Variants in STXBP6 observed in about 807,000 individuals in gnomAD.
STXBP6 encodes the protein syntaxin binding protein 6.
In STXBP6, 21 loss-of-function variants were observed where a neutral mutation model predicts 26.9. The observed-to-expected ratio is 0.78, with a 90% CI of 0.55 to 1.12. The LOEUF (loss-of-function observed/expected upper bound fraction) is 1.12, where lower values mean the gene tolerates loss of function less well. Ranked by LOEUF, STXBP6 falls within the 50% of genes most tolerant of loss-of-function variation. The pLI is 0.00. For synonymous variants in STXBP6, 97 were observed against 92.6 expected (o/e 1.05, Z -0.27); for missense variants, 232 against 257.9 (o/e 0.90, Z 0.69).
chr14:25,018,584 G>A (rs2075203199), intron 1 of STXBP6, among the ~76,000 whole-genome samples: 1 of 152,092 alleles, frequency 6.6e-6, no homozygotes, highest in Admixed American at 6.5e-5. Flanking sequence ...TTCCTCAAGG[G>A]TGATTTTCAG....
At chr14:24,874,086 A>G (rs527544075) in intron 2 of STXBP6, among the ~76,000 whole-genome samples, 3 of 152,290 alleles carry the variant, frequency 2.0e-5, no homozygotes, top group Non-Finnish European at 4.4e-5. Flanking sequence ...GGAACTTCCA[A>G]ATTTTAAGTA....
chr14:24,899,802 A>AAAAAAAAAAAAAAAAAAAAAG (rs2071142896), intron 2 of STXBP6, among the ~76,000 whole-genome samples: 1 of 83,468 alleles, frequency 1.2e-5, no homozygotes, highest in Non-Finnish European at 2.1e-5. Context: ...AAAAAAAAGC[A>AAAAAAAAAAAAAAAAAAAAAG]AAAAAAAAAA....
chr14:24,941,687 T>C (rs2072808414), intron 2 of STXBP6, among the ~76,000 whole-genome samples: 1 of 152,190 alleles, frequency 6.6e-6, no homozygotes, highest in East Asian at 1.9e-4. Context: ...CCCATGGGTA[T>C]CTAGCCCAAC....
intron 2 of STXBP6, among the ~76,000 whole-genome samples, chr14:24,942,880 T>G (rs1209909829): frequency 6.6e-6 from 1 of 152,136 alleles, no homozygotes; most frequent in Non-Finnish European, 1.5e-5. Context: ...AGCAGGAAGA[T>G]TAGATTCTTG....
intron 1 of STXBP6, among the ~76,000 whole-genome samples, chr14:24,989,678 A>C (rs2074417104): frequency 6.6e-6 from 1 of 152,174 alleles, no homozygotes; most frequent in Non-Finnish European, 1.5e-5. Flanking sequence ...TTCATGCTTA[A>C]TTAAGATCCT....
chr14:25,014,896 C>A (rs1233507490), intron 1 of STXBP6, among the ~76,000 whole-genome samples: 3 of 152,066 alleles, frequency 2.0e-5, no homozygotes, highest in Non-Finnish European at 4.4e-5. Context: ...ATTTTCTTTG[C>A]TTCTATTTCT....
At chr14:24,956,159 C>T (rs1246554523) in intron 2 of STXBP6, among the ~76,000 whole-genome samples, 1 of 151,820 alleles carries the variant, frequency 6.6e-6, no homozygotes, top group Non-Finnish European at 1.5e-5. Context: ...TGTCTGGTCA[C>T]ATGGGTCAAT....
chr14:25,017,751 G>T lies in STXBP6; in HGVS notation c.-33+32127C>A, dbSNP rs1285835970. Among the ~76,000 whole-genome samples, 19 of 152,176 alleles carry T rather than the reference G, an allele frequency of 1.2e-4. 1 individual carries two copies. Among genetic ancestry groups the T allele is most frequent in the Admixed American group, 1.2e-3 (19 of 15,278 alleles). On this transcript the variant is annotated intron_variant, in intron 1 of 5. Coordinates refer to ENST00000323944, the MANE Select transcript of STXBP6 (RefSeq NM_001394410.1). The stretch of plus-strand genomic sequence containing the variant: ...CCAACTCTCAGAACAAACATGGGAG[G>T]AAGATAGCATCTGGAGCCCTGAGGA...
chr14:24,854,138 G>A (rs1344781087), intron 4 of STXBP6, among the ~76,000 whole-genome samples: 1 of 152,096 alleles, frequency 6.6e-6, no homozygotes, highest in Admixed American at 6.6e-5. Flanking sequence ...GAAGAAATGA[G>A]ACCTTTAGGG....
At chr14:24,905,786 C>A (rs948611888) in intron 2 of STXBP6, among the ~76,000 whole-genome samples, 7 of 152,166 alleles carry the variant, frequency 4.6e-5, no homozygotes. Flanking sequence ...TCCAGGGATA[C>A]ACAATGTAAG....
At position 24,812,645 on chromosome 14, in the gene STXBP6, T is replaced by C. The variant is rs2067854753; in HGVS notation, c.*64A>G. 1 of 1,556,772 alleles carries C rather than the reference T, an allele frequency of 6.4e-7. No individual in the cohort carries two copies. The highest frequency in any genetic ancestry group is 1.4e-5 in the African/African-American group (1 of 73,656). On this transcript the variant is annotated 3_prime_UTR_variant, in exon 6 of 6. Transcript: ENST00000323944. ...GAAGCAAGCGGAGGTCCCGAATTCT[T>C]GTAAAAACTGCTGAACAAACTCTTC...
intron 2 of STXBP6, among the ~76,000 whole-genome samples, chr14:24,885,647 T>C (rs1305672607): frequency 1.3e-5 from 2 of 152,230 alleles, no homozygotes; most frequent in Non-Finnish European, 2.9e-5. Context: ...ATGAATGACA[T>C]CCATTGTCTC....
intron 2 of STXBP6, among the ~76,000 whole-genome samples, chr14:24,959,781 T>C (rs2073467844): frequency 6.6e-6 from 1 of 152,228 alleles, no homozygotes; most frequent in Non-Finnish European, 1.5e-5. Context: ...CCAAGAACTT[T>C]GCTGTATCAG....
chr14:24,933,273 T>C (rs1174816128), intron 2 of STXBP6, among the ~76,000 whole-genome samples: 1 of 151,918 alleles, frequency 6.6e-6, no homozygotes, highest in African/African-American at 2.4e-5. Context: ...GCAAGGGAGG[T>C]GGACAATGCA....
rs1012678834 is a variant in STXBP6, at chr14:24,811,292, G to C, written c.*1417C>G. 6.6e-6 allele frequency: 1 copy of C among 152,084 alleles called. No homozygotes were observed. Among genetic ancestry groups the C allele is most frequent in the South Asian group, 2.1e-4 (1 of 4,822 alleles). The allele number at this position is 152,084 out of a possible 1,614,324, so 9.4% of individuals were successfully genotyped here. The stretch of plus-strand genomic sequence containing the variant: ...GTCATCTTATGCTCCTATGTAAGAG[G>C]CTGCAATACATATCGACTCAATCAG... On this transcript the variant is annotated 3_prime_UTR_variant, in exon 6 of 6. Coordinates refer to ENST00000323944, the MANE Select transcript of STXBP6 (RefSeq NM_001394410.1).
At chr14:24,878,686 C>T (rs1417807969) in intron 2 of STXBP6, 2 of 355,302 alleles carry the variant, frequency 5.6e-6, no homozygotes, top group African/African-American at 2.1e-5. Flanking sequence ...TGATAATGGC[C>T]TTTTCTTAAA....
rs28486054 is a variant in STXBP6 at position 24,818,543 on chromosome 14, G to A, written c.609+494C>T. 3.8e-3 allele frequency among the ~76,000 whole-genome samples: 576 copies of A among 152,276 alleles called. 3 individuals are homozygous for A. The highest frequency in any genetic ancestry group is 0.013 in the African/African-American group (551 of 41,548). ...CCCTCTCCGAGGGAAAACTAGCCCC[G>A]AGGTGCGTAGTTCCCTGGGACTGGG... On this transcript the variant is annotated intron_variant, in intron 5 of 5. Coordinates refer to ENST00000323944, the MANE Select transcript of STXBP6 (RefSeq NM_001394410.1).
intron 1 of STXBP6, among the ~76,000 whole-genome samples, chr14:25,042,145 T>C (rs997694906): frequency 1.3e-5 from 2 of 152,214 alleles, no homozygotes; most frequent in Admixed American, 1.3e-4. Context: ...CTTCAAATGA[T>C]GATAAACGAA....
intron 1 of STXBP6, among the ~76,000 whole-genome samples, chr14:24,975,218 A>G (rs1398466599): frequency 6.6e-6 from 1 of 152,222 alleles, no homozygotes; most frequent in African/African-American, 2.4e-5. Context: ...CACTTCCAGA[A>G]TACAAGTCTT....
Sources: gnomAD v4.1 joint callset for allele counts (sites outside exome capture counted in the v4.1 genomes callset) on GRCh38, gnomAD v4.1.1 for gene constraint, MANE v1.5 for transcripts, NCBI Gene and HGNC (gene_info 2026-07-23, HGNC 2026-07-21) for gene names.